MEIS3: variants seen among roughly 807,000 people sequenced by gnomAD.
The protein encoded by MEIS3 is homeobox protein Meis3.
In MEIS3, 38 loss-of-function variants were observed where a neutral mutation model predicts 51.4. That is an observed-to-expected ratio of 0.74 (90% CI 0.57 to 0.97). MEIS3 has a LOEUF of 0.97. Ranked by LOEUF, MEIS3 falls within the 50% of genes least tolerant of loss-of-function variation. The pLI is 0.00. For synonymous variants in MEIS3, 198 were observed against 201.8 expected, an observed-to-expected ratio of 0.98 and a Z score of 0.16; for missense variants, 456 against 502.6, an observed-to-expected ratio of 0.91 and a Z score of 0.89.
At chr19:47,416,774 C>A in intron 3 of MEIS3, 30 bp downstream of exon 3, 1 of 1,612,894 alleles carries the variant, frequency 6.2e-7, no homozygotes. Flanking sequence ...GGCTCTCTGA[C>A]TCGGTGTGTG....
chr19:47,417,173 C>A lies in MEIS3; in HGVS notation c.185+5G>T, dbSNP rs1971470935. The A allele has an allele frequency of 6.5e-7, 1 of 1,539,148 alleles. No homozygotes were observed. Among genetic ancestry groups the A allele is most frequent in the East Asian group, 2.3e-5 (1 of 44,290 alleles). On this transcript the variant is annotated splice_donor_5th_base_variant and intron_variant, in intron 2 of 12. Coordinates refer to ENST00000558555, the MANE Select transcript of MEIS3 (RefSeq NM_001301059.2). ...GACAGGAGCCTGAGACCCGGCCCCACTCACCCATAGATCTCATCCTTCTCC... is the reference window on the plus strand; with the variant it reads ...GACAGGAGCCTGAGACCCGGCCCCAATCACCCATAGATCTCATCCTTCTCC...
Position 47,410,538 on chromosome 19 carries a change from G to A in MEIS3, c.598-991C>T, listed in dbSNP as rs572753682. 1.2e-4 allele frequency among the ~76,000 whole-genome samples: 19 copies of A among 152,026 alleles called. No individual in the cohort carries two copies. In the East Asian group the frequency reaches 2.3e-3, roughly 19 times the overall value. On this transcript the variant is annotated intron_variant, in intron 6 of 12. Transcript: ENST00000558555. ...TCCCATCACTGTGGGAGGCCCAGGC[G>A]GGTAGATCACAAGGTCAGGAGATCG...
At chr19:47,417,854 A>G (rs1486584465) in intron 1 of MEIS3, 1 of 609,030 alleles carries the variant, frequency 1.6e-6, no homozygotes, top group Admixed American at 2.8e-5. Context: ...TCTACCACAC[A>G]TGTAGACACA....
upstream of MEIS3, among the ~76,000 whole-genome samples, chr19:47,422,133 G>A (rs976080791): frequency 2.6e-5 from 4 of 151,620 alleles, no homozygotes; most frequent in African/African-American, 2.4e-5. Context: ...ATTCGTCACC[G>A]GCCCTGACAA....
chr19:47,407,253 G>A (rs1415020626), intron 9 of MEIS3, 99 bp downstream of exon 9: 2 of 1,490,418 alleles, frequency 1.3e-6, no homozygotes, highest in Non-Finnish European at 1.8e-6. Context: ...GGGCGAGCAG[G>A]GGCAGTGGCT....
In MEIS3 at chr19:47,417,755, C is replaced by G. The variant is rs761196641; in HGVS notation, c.13-405G>C. 54 of 654,572 alleles carry G rather than the reference C, an allele frequency of 8.2e-5. No individual in the cohort carries two copies. The South Asian group carries it at 8.6e-4, about 10-fold the overall frequency. 40.5% of individuals were successfully genotyped at this position (654,572 alleles called of 1,614,324 possible). ...TGTACACAAAGTACACATACGAAGC[C>G]TCCCTGTCTTCTATTTCATTTCACA... is the stretch of plus-strand genomic sequence containing the variant. On this transcript the variant is annotated intron_variant, in intron 1 of 12. Transcript: ENST00000558555.
At chr19:47,411,004 T>C (rs1971105995) in intron 6 of MEIS3, among the ~76,000 whole-genome samples, 1 of 152,140 alleles carries the variant, frequency 6.6e-6, no homozygotes, top group Non-Finnish European at 1.5e-5. Context: ...TTGCATGATC[T>C]AGGCTCAATG....
At chr19:47,406,280 T>G in intron 12 of MEIS3, 180 bp downstream of exon 12, 2 of 516,202 alleles carry the variant, frequency 3.9e-6, no homozygotes, top group South Asian at 2.9e-5. Flanking sequence ...GGAGGATGGA[T>G]GGATGGATGG....
chr19:47,409,055 C>T (rs758451354), intron 8 of MEIS3, 44 bp downstream of exon 8: 3 of 1,597,834 alleles, frequency 1.9e-6, no homozygotes, highest in East Asian at 2.2e-5. Context: ...CACCCTTCTC[C>T]CTCTCTCCAT....
chr19:47,412,921 C>T (rs1971209009), intron 6 of MEIS3, among the ~76,000 whole-genome samples: 1 of 151,274 alleles, frequency 6.6e-6, no homozygotes, highest in Non-Finnish European at 1.5e-5. Flanking sequence ...CCAGGCTGGT[C>T]TTGAACTCCT....
At chr19:47,421,742 C>A (rs1173955604), upstream of MEIS3, among the ~76,000 whole-genome samples, 1 of 137,232 alleles carries the variant, frequency 7.3e-6, no homozygotes, top group Non-Finnish European at 1.5e-5. Flanking sequence ...TGTCTGTCTC[C>A]TGGCTTTTTT....
In MEIS3 at chr19:47,406,484, T is replaced by C; in HGVS notation, c.1121A>G (p.Tyr374Cys). The change falls in exon 12 of 13, where the codon TAT becomes TGT. Residue 374 changes from tyrosine (Y) to cysteine (C), a missense_variant. Physicochemically the swap from Tyr to Cys is radical, Grantham distance 194. Transcript: ENST00000558555. The stretch of plus-strand genomic sequence containing the variant: ...CCTCTCCTGCATCAGCCTCTATAGA[T>C]AATGCCATTCTCCTTCCAAGTTCAA... ...MSLNLEGEWH[Y>C]L 6.2e-7 allele frequency: 1 copy of C among 1,613,850 alleles called. No individual in the cohort carries two copies.
At chr19:47,417,111 C>T (rs925718311) in intron 2 of MEIS3, 67 bp downstream of exon 2, 2 of 1,540,894 alleles carry the variant, frequency 1.3e-6, no homozygotes, top group African/African-American at 2.8e-5. Flanking sequence ...CAGAAGCAGA[C>T]CCAGGGAGCA....
At chr19:47,417,937 A>G (rs1335602172) in intron 1 of MEIS3, 5 of 569,506 alleles carry the variant, frequency 8.8e-6, no homozygotes, top group Non-Finnish European at 1.6e-5. Flanking sequence ...ACACACATGC[A>G]CACACACATG....
chr19:47,407,831 T>G lies in MEIS3; in HGVS notation c.859-403A>C, dbSNP rs113115653. On this transcript the variant is annotated intron_variant, in intron 8 of 12. Coordinates refer to ENST00000558555, the MANE Select transcript of MEIS3 (RefSeq NM_001301059.2). ...CATTTATTTATTTATTTATTTGAGA[T>G]GGAGTCTTGCTCTGTCGCCAGGCTG... 7.7e-3 allele frequency among the ~76,000 whole-genome samples: 1,178 copies of G among 152,210 alleles called. 18 individuals are homozygous for G. Among genetic ancestry groups the G allele is most frequent in the African/African-American group, 0.027 (1,115 of 41,524 alleles).
At chr19:47,407,318 C>T (rs777948089) in intron 9 of MEIS3, 34 bp downstream of exon 9, 15 of 1,601,612 alleles carry the variant, frequency 9.4e-6, no homozygotes, top group African/African-American at 1.4e-5. Context: ...GCTCTCGCCC[C>T]GGGCCGGCCC....
chr19:47,406,623 T>G, intron 11 of MEIS3, 97 bp from the exon 12 acceptor site: 1 of 1,209,580 alleles, frequency 8.3e-7, no homozygotes, highest in Non-Finnish European at 1.2e-6. Context: ...AGGGGATCCC[T>G]CTACCAGGAT....
intron 6 of MEIS3, among the ~76,000 whole-genome samples, chr19:47,413,137 C>T (rs1431097210): frequency 6.6e-6 from 1 of 151,602 alleles, no homozygotes; most frequent in Non-Finnish European, 1.5e-5. Context: ...TGGCTCATGC[C>T]TGTAATCCCA....
In MEIS3 at chr19:47,411,470, T is replaced by C. The variant is rs189349343; in HGVS notation, c.598-1923A>G. Among the ~76,000 whole-genome samples the C allele has an allele frequency of 3.6e-4, 55 of 151,998 alleles. No individual in the cohort carries two copies. In the East Asian group the frequency reaches 0.01, roughly 28 times the overall value. ...ATTTATGGGACAAAATCCAAAACTT[T>C]GAAGTTTCAGAGATTCTGGGGTCTC... On this transcript the variant is annotated intron_variant, in intron 6 of 12. Coordinates refer to ENST00000558555, the MANE Select transcript of MEIS3 (RefSeq NM_001301059.2).
Sources: allele counts gnomAD v4.1 joint callset (sites outside exome capture counted in the v4.1 genomes callset), GRCh38; gene constraint gnomAD v4.1.1; transcripts MANE v1.5; gene names NCBI Gene and HGNC (gene_info 2026-07-23, HGNC 2026-07-21).